Variants in PLCXD3 observed in about 807,000 individuals in gnomAD.
PLCXD3 encodes the protein PI-PLC X domain-containing protein 3.
A neutral mutation model predicts 25.5 loss-of-function variants in PLCXD3; 19 were observed. The ratio of observed to expected loss-of-function variants is 0.75; its 90% CI spans 0.52 to 1.09. The LOEUF (loss-of-function observed/expected upper bound fraction) is 1.09. Ranked by LOEUF, PLCXD3 falls within the 50% of genes least tolerant of loss-of-function variation. The pLI is 0.00. For synonymous variants in PLCXD3, 174 were observed against 137.6 expected (o/e 1.26, Z -1.85); for missense variants, 411 against 388.1 (o/e 1.06, Z -0.50).
At chr5:41,469,957 A>G (rs1415875894) in intron 1 of PLCXD3, among the ~76,000 whole-genome samples, 1 of 152,170 alleles carries the variant, frequency 6.6e-6, no homozygotes, top group Non-Finnish European at 1.5e-5. Flanking sequence ...TGAGATGGAG[A>G]ATGAGAACAG....
In PLCXD3 at chr5:41,367,995, C is replaced by T. The variant is rs150727715; in HGVS notation, c.812+13831G>A. 4.8e-3 allele frequency among the ~76,000 whole-genome samples: 722 copies of T among 151,972 alleles called. 2 individuals carry two copies. Among genetic ancestry groups the T allele is most frequent in the Non-Finnish European group, 5.9e-3 (401 of 67,900 alleles). ...GGGTTCTCTATTCTGTTCCATTTTT[C>T]TATGTGTCTGTTTTTGGGAATGGGA... On this transcript the variant is annotated intron_variant, in intron 2 of 2. Transcript: ENST00000377801.
chr5:41,505,112 A>G (rs1749026331), intron 1 of PLCXD3, among the ~76,000 whole-genome samples: 1 of 152,186 alleles, frequency 6.6e-6, no homozygotes, highest in Admixed American at 6.5e-5. Flanking sequence ...ATGAGTAAAT[A>G]AACTCTAAGT....
chr5:41,442,649 A>C (rs949590856), intron 1 of PLCXD3, among the ~76,000 whole-genome samples: 2 of 152,222 alleles, frequency 1.3e-5, no homozygotes, highest in African/African-American at 4.8e-5. Flanking sequence ...AAGTAAGCAA[A>C]CTAAGCAAGG....
rs1745489328 is a variant in PLCXD3, at chr5:41,382,308, G to A, written c.330C>T (p.Leu110=). Residue 110 remains leucine, a synonymous_variant, in exon 2 of 3, where the codon CTC becomes CTT. Coordinates refer to ENST00000377801, the MANE Select transcript of PLCXD3 (RefSeq NM_001005473.3). ...STKPRDPDNE[L]YFAHGLFSAK... ...CACTGAACAAACCATGAGCAAAATA[G>A]AGTTCATTGTCGGGGTCTCTGGGCT... 4 of 1,613,496 alleles carry A rather than the reference G, an allele frequency of 2.5e-6. No homozygotes were observed. Among genetic ancestry groups the A allele is most frequent in the Non-Finnish European group, 3.4e-6 (4 of 1,179,746 alleles).
intron 2 of PLCXD3, among the ~76,000 whole-genome samples, chr5:41,367,509 TG>T (rs1490476182): frequency 6.6e-6 from 1 of 152,182 alleles, no homozygotes; most frequent in Admixed American, 6.6e-5. Flanking sequence ...CTTGTAAATT[TG>T]TTTAAGTTCC....
chr5:41,314,695 A>G (rs1743238315), intron 2 of PLCXD3, among the ~76,000 whole-genome samples: 1 of 152,202 alleles, frequency 6.6e-6, no homozygotes, highest in Non-Finnish European at 1.5e-5. Flanking sequence ...GCTTAAGCTT[A>G]GAGAAAAGAA....
At chr5:41,335,566 T>A (rs1743954847) in intron 2 of PLCXD3, among the ~76,000 whole-genome samples, 1 of 152,160 alleles carries the variant, frequency 6.6e-6, no homozygotes. Flanking sequence ...AAATAAAGTA[T>A]TACTTTAAAA....
chr5:41,391,678 C>T (rs1275748632), intron 1 of PLCXD3, among the ~76,000 whole-genome samples: 1 of 152,108 alleles, frequency 6.6e-6, no homozygotes, highest in African/African-American at 2.4e-5. Flanking sequence ...TTGAGAAAAG[C>T]AAAGGGGATT....
intron 2 of PLCXD3, among the ~76,000 whole-genome samples, chr5:41,350,647 A>G (rs985953932): frequency 6.6e-6 from 1 of 152,214 alleles, no homozygotes; most frequent in Admixed American, 6.5e-5. Context: ...CAGCATAATC[A>G]GGTGCAATTC....
At chr5:41,389,554 T>C (rs1404311520) in intron 1 of PLCXD3, among the ~76,000 whole-genome samples, 3 of 152,128 alleles carry the variant, frequency 2.0e-5, no homozygotes, top group South Asian at 2.1e-4. Flanking sequence ...TAACCAACTG[T>C]AGCTAAAGGC....
intron 1 of PLCXD3, among the ~76,000 whole-genome samples, chr5:41,396,542 G>C (rs1746013790): frequency 6.6e-6 from 1 of 152,170 alleles, no homozygotes; most frequent in East Asian, 1.9e-4. Context: ...ATTAGTACCA[G>C]AGAAGTAGGG....
At chr5:41,429,599 T>C (rs952798661) in intron 1 of PLCXD3, among the ~76,000 whole-genome samples, 4 of 152,144 alleles carry the variant, frequency 2.6e-5, no homozygotes, top group African/African-American at 7.2e-5. Flanking sequence ...TGAATGTGGA[T>C]ATGTATTAAT....
chr5:41,385,001 A>G (rs1318800550), intron 1 of PLCXD3, among the ~76,000 whole-genome samples: 1 of 152,162 alleles, frequency 6.6e-6, no homozygotes, highest in Non-Finnish European at 1.5e-5. Flanking sequence ...GCATTTTGTA[A>G]GAAATATATA....
At chr5:41,462,479 T>G (rs898892073) in intron 1 of PLCXD3, among the ~76,000 whole-genome samples, 7 of 151,986 alleles carry the variant, frequency 4.6e-5, no homozygotes, top group Non-Finnish European at 8.8e-5. Flanking sequence ...ATAAGTATTT[T>G]TCAATACTAT....
rs992209480 is a variant in PLCXD3, at chr5:41,309,820, G to A, written c.*3797C>T. The A allele has an allele frequency of 2.0e-5, 3 of 152,066 alleles. No individual in the cohort carries two copies. Among genetic ancestry groups the A allele is most frequent in the African/African-American group, 7.2e-5 (3 of 41,432 alleles). The allele number at this position is 152,066 out of a possible 1,614,324, so 9.4% of individuals were successfully genotyped here. A position where few individuals can be genotyped will look rare whatever the true frequency, so the allele number is the denominator to read the frequency against. On this transcript the variant is annotated 3_prime_UTR_variant, in exon 3 of 3. Coordinates refer to ENST00000377801, the MANE Select transcript of PLCXD3 (RefSeq NM_001005473.3). ...TTCGTGCCAGGCATTTTCTATTTCT[G>A]ATGGCCTCACTTTTCATTGGTTTTC...
chr5:41,364,221 C>T (rs748259114), intron 2 of PLCXD3, among the ~76,000 whole-genome samples: 2 of 152,090 alleles, frequency 1.3e-5, no homozygotes, highest in Non-Finnish European at 2.9e-5. Context: ...GACAGCTTCC[C>T]GCAACGAATT....
chr5:41,416,896 G>A (rs1403737622), intron 1 of PLCXD3, among the ~76,000 whole-genome samples: 5 of 152,104 alleles, frequency 3.3e-5, no homozygotes, highest in Middle Eastern at 3.2e-3. Context: ...ACGGTGAAAA[G>A]TTTGCAACCA....
In PLCXD3 at chr5:41,461,929, C is replaced by T. The variant is rs576049615; in HGVS notation, c.103+48495G>A. Among the ~76,000 whole-genome samples the T allele has an allele frequency of 1.7e-3, 264 of 152,090 alleles. 1 individual carries two copies. Among genetic ancestry groups the T allele is most frequent in the Middle Eastern group, 0.017 (5 of 294 alleles). ...TTTTAATTTAGGTATCAAATCTACT[C>T]AACAAGCATGTGCCCTGTAATTGAC... On this transcript the variant is annotated intron_variant, in intron 1 of 2. Coordinates refer to ENST00000377801, the MANE Select transcript of PLCXD3 (RefSeq NM_001005473.3).
intron 1 of PLCXD3, among the ~76,000 whole-genome samples, chr5:41,391,420 G>C (rs1393554567): frequency 6.6e-6 from 1 of 152,134 alleles, no homozygotes; most frequent in Non-Finnish European, 1.5e-5. Flanking sequence ...CCCCATTTCA[G>C]CTCTAGCTCC....
Sources: allele counts gnomAD v4.1 joint callset (sites outside exome capture counted in the v4.1 genomes callset), GRCh38; gene constraint gnomAD v4.1.1; transcripts MANE v1.5; gene names NCBI Gene and HGNC (gene_info 2026-07-23, HGNC 2026-07-21).